MROH1: variants seen among roughly 807,000 people sequenced by gnomAD.
MROH1 encodes the protein maestro heat-like repeat-containing protein family member 1.
A neutral mutation model predicts 116.5 loss-of-function variants in MROH1; 117 were observed. That is an observed-to-expected ratio of 1.00 (90% CI 0.86 to 1.17). MROH1 has a LOEUF of 1.17. Ranked by LOEUF, MROH1 falls within the 50% of genes most tolerant of loss-of-function variation. MROH1 has a pLI of 0.00. For missense variants in MROH1, 1,873 were observed against 1,338.5 expected (o/e 1.40, Z -6.23); for synonymous variants, 921 against 583.9 (o/e 1.58, Z -8.32).
At chr8:144,187,462 G>A (rs1013562342) in intron 7 of MROH1, among the ~76,000 whole-genome samples, 1 of 152,048 alleles carries the variant, frequency 6.6e-6, no homozygotes, top group African/African-American at 2.4e-5. Flanking sequence ...GACAAAGAAT[G>A]GAAGAAACCA....
chr8:144,171,929 T>C (rs971709647), intron 4 of MROH1, among the ~76,000 whole-genome samples: 1 of 152,118 alleles, frequency 6.6e-6, no homozygotes, highest in Non-Finnish European at 1.5e-5. Context: ...AGAAAGGAGA[T>C]TGGACATACC....
intron 10 of MROH1, among the ~76,000 whole-genome samples, chr8:144,194,632 G>A (rs930565834): frequency 6.6e-6 from 1 of 152,174 alleles, no homozygotes; most frequent in African/African-American, 2.4e-5. Flanking sequence ...AGAAGTTCCT[G>A]CAAGGCGTGG....
chr8:144,250,177 G>A lies in MROH1; in HGVS notation c.3274-35G>A, dbSNP rs1020185448. The stretch of plus-strand genomic sequence containing the variant: ...AGGTGTGCCCACAGCTGTCCCCCAC[G>A]CGTGGCCTGACCACCGTGTCCCGCC... On this transcript the variant is annotated intron_variant, in intron 32 of 43. Coordinates refer to ENST00000326134, the MANE Select transcript of MROH1 (RefSeq NM_032450.3). 2.0e-4 allele frequency: 152 copies of A among 757,306 alleles called. No individual in the cohort carries two copies. In the African/African-American group the frequency reaches 2.2e-3, roughly 11 times the overall value. 46.9% of individuals were successfully genotyped at this position (757,306 alleles called of 1,614,324 possible).
At position 144,259,923 on chromosome 8, in the gene MROH1, A is replaced by G. The variant is rs1041397300; in HGVS notation, c.4057A>G (p.Asn1353Asp). 92 of 739,490 alleles carry G rather than the reference A, an allele frequency of 1.2e-4. No homozygotes were observed. The highest frequency in any genetic ancestry group is 2.1e-4 in the Non-Finnish European group (85 of 397,976). 45.8% of individuals were successfully genotyped at this position (739,490 alleles called of 1,614,324 possible). Residue 1353 changes from asparagine to aspartate, a missense_variant, in exon 38 of 44, where the codon AAC (asparagine) becomes GAC (aspartate). Asn to Asp is a conservative substitution (Grantham distance 23, BLOSUM62 1). Transcript: ENST00000326134. ...CCTCTGCCTGCAGCTGCTGAACAGC[A>G]ACGTGGCCAACGACCTCATGCTCTT... ...TAFLAELLNSNVANDLMLLDS... is the reference protein window; with the variant it reads ...TAFLAELLNSDVANDLMLLDS...
intron 32 of MROH1, 130 bp from the exon 33 acceptor site, chr8:144,250,082 C>T: frequency 1.5e-6 from 1 of 675,828 alleles, no homozygotes. Context: ...CTACCTCAGG[C>T]TGGAACCAGC....
rs1842129712 is a variant in MROH1, at chr8:144,247,670, T to C, written c.3111T>C (p.Ser1037=). Residue 1037 remains serine, a synonymous_variant, in exon 31 of 44, where the codon AGT becomes AGC. Coordinates refer to ENST00000326134, the MANE Select transcript of MROH1 (RefSeq NM_032450.3). The part of the protein sequence containing the change: ...DPAILFHTCH[S]VGQIIAKRLP... The stretch of plus-strand genomic sequence containing the variant: ...CCATTCTCTTCCACACCTGCCACAG[T>C]GTAGGCCAGGTACCAGCTGGGAGCT... 5 of 766,444 alleles carry C rather than the reference T, an allele frequency of 6.5e-6. No individual in the cohort carries two copies. In the South Asian group the frequency reaches 6.8e-5, roughly 10 times the overall value. The allele number at this position is 766,444 out of a possible 1,614,324, so 47.5% of individuals were successfully genotyped here.
chr8:144,228,879 C>A (rs1009912478), intron 14 of MROH1, among the ~76,000 whole-genome samples: 1 of 152,210 alleles, frequency 6.6e-6, no homozygotes, highest in Non-Finnish European at 1.5e-5. Context: ...CACAGTAGAT[C>A]TTTCAAAATG....
rs1554835590 is a variant in MROH1 at position 144,261,135 on chromosome 8, C to T, written c.4693C>T (p.Leu1565=). The change falls in exon 42 of 44, where the codon CTG becomes TTG. Residue 1565 remains leucine (L), a synonymous_variant. Coordinates refer to ENST00000326134, the MANE Select transcript of MROH1 (RefSeq NM_032450.3). Reference sequence around the variant, plus strand: ...CCAGATGCACCATTTCCCAGACCTGCTGGGCCGTCTCCTGACCACCTGCCT... The same window carrying T: ...CCAGATGCACCATTTCCCAGACCTGTTGGGCCGTCTCCTGACCACCTGCCT... ...KHLMHHFPDL[L]GRLLTTCLFY... is the part of the protein sequence containing the mutation. 27 of 773,982 alleles carry T rather than the reference C, an allele frequency of 3.5e-5. No individual in the cohort carries two copies. The South Asian group carries it at 3.6e-4, about 10-fold the overall frequency. 47.9% of individuals were successfully genotyped at this position (773,982 alleles called of 1,614,324 possible).
intron 12 of MROH1, among the ~76,000 whole-genome samples, chr8:144,216,935 G>A (rs975781871): frequency 3.3e-5 from 5 of 152,092 alleles, no homozygotes; most frequent in African/African-American, 7.2e-5. Flanking sequence ...TGATCCATCC[G>A]CCTTGGCCTC....
chr8:144,183,582 A>C (rs1826206537), intron 7 of MROH1, among the ~76,000 whole-genome samples: 1 of 151,784 alleles, frequency 6.6e-6, no homozygotes, highest in Non-Finnish European at 1.5e-5. Flanking sequence ...AGAGCTCTCC[A>C]GTGGCCCCTG....
chr8:144,199,778 G>A (rs575951244), intron 11 of MROH1, among the ~76,000 whole-genome samples: 17 of 152,114 alleles, frequency 1.1e-4, no homozygotes, highest in Non-Finnish European at 2.4e-4. Flanking sequence ...TCAGGCAGGC[G>A]GGGCCTCAGG....
intron 22 of MROH1, among the ~76,000 whole-genome samples, chr8:144,241,781 G>T (rs1841030478): frequency 6.6e-6 from 1 of 152,230 alleles, no homozygotes; most frequent in Non-Finnish European, 1.5e-5. Context: ...TTCGCGGCTG[G>T]GGCAGGCCTC....
Position 144,261,887 on chromosome 8 carries a change from C to G in MROH1, c.*147C>G. 3.0e-6 allele frequency: 2 copies of G among 671,550 alleles called. No individual in the cohort carries two copies. Among genetic ancestry groups the G allele is most frequent in the Non-Finnish European group, 5.4e-6 (2 of 371,356 alleles). 41.6% of individuals were successfully genotyped at this position (671,550 alleles called of 1,614,324 possible). On this transcript the variant is annotated 3_prime_UTR_variant, in exon 44 of 44. Transcript: ENST00000326134. ...CACTGCTGGGGACCAAACCCAAGCC[C>G]TTCAGTGAGGGATGTGCCCAATAAA...
rs537939399 is a variant in MROH1, at chr8:144,189,611, C to G, written c.563-1173C>G. On this transcript the variant is annotated intron_variant, in intron 7 of 43. Transcript: ENST00000326134. ...CTCTGCCCTCAGGGTCAGCCCAAGG[C>G]CACCGCTGAGTCACATCCACAGTCA... Among the ~76,000 whole-genome samples, 8 of 152,326 alleles carry G rather than the reference C, an allele frequency of 5.3e-5. No individual in the cohort carries two copies. The East Asian group carries it at 1.5e-3, about 29-fold the overall frequency.
At position 144,260,169 on chromosome 8, in the gene MROH1, G is replaced by A. The variant is rs1372956799; in HGVS notation, c.4192-17G>A. On this transcript the variant is annotated splice_polypyrimidine_tract_variant and intron_variant, in intron 38 of 43. Transcript: ENST00000326134. ...ACGGTGACTCTGGGACCCAGGCTGA[G>A]TGTAAGGTATCCTCAGGTGCGAACC... 7.9e-6 allele frequency: 6 copies of A among 764,314 alleles called. No individual in the cohort carries two copies. The highest frequency in any genetic ancestry group is 1.7e-5 in the Admixed American group (1 of 58,924). The allele number at this position is 764,314 out of a possible 1,614,324, so 47.3% of individuals were successfully genotyped here.
At chr8:144,165,411 G>A (rs776882726) in intron 3 of MROH1, among the ~76,000 whole-genome samples, 6 of 151,970 alleles carry the variant, frequency 3.9e-5, no homozygotes, top group East Asian at 1.9e-4. Flanking sequence ...GAGCCACCGC[G>A]CACAGCCCAC....
Position 144,176,212 on chromosome 8 carries a change from C to CA in MROH1, c.169-3232dup, listed in dbSNP as rs1302155811. ...CGAAACCTCATTTCTACTGAAAATA[C>CA]AAAAAAAAAAATTAGCCAGGAATGG... On this transcript the variant is annotated intron_variant, in intron 4 of 43. Transcript: ENST00000326134. Among the ~76,000 whole-genome samples the CA allele has an allele frequency of 3.5e-3, 510 of 143,822 alleles. 4 individuals carry two copies. Among genetic ancestry groups the CA allele is most frequent in the African/African-American group, 0.011 (417 of 39,320 alleles). The allele number at this position is 143,822 out of a possible 152,430, so 94.4% of individuals were successfully genotyped here.
At chr8:144,246,028 TCA>T in intron 29 of MROH1, among the ~76,000 whole-genome samples, 1 of 41,834 alleles carries the variant, frequency 2.4e-5, no homozygotes, top group African/African-American at 1.2e-4. Context: ...CCTCCCTCCC[TCA>T]CCTCCCTCCC....
At chr8:144,243,374 A>G in intron 24 of MROH1, 120 bp from the exon 25 acceptor site, 1 of 703,616 alleles carries the variant, frequency 1.4e-6, no homozygotes, top group African/African-American at 1.7e-5. Flanking sequence ...GGCTGGCTAG[A>G]GAGCTCCTTT....
Sources: allele counts gnomAD v4.1 joint callset (sites outside exome capture counted in the v4.1 genomes callset), GRCh38; gene constraint gnomAD v4.1.1; transcripts MANE v1.5; gene names NCBI Gene and HGNC (gene_info 2026-07-23, HGNC 2026-07-21).